Variants in CHST11 observed in about 807,000 individuals in gnomAD.
The protein encoded by CHST11 is carbohydrate sulfotransferase 11, also known as C4S-1.
CHST11 carries 9 observed loss-of-function variants against 30.4 expected under a neutral mutation model. The observed-to-expected ratio is 0.30, with a 90% CI of 0.18 to 0.52. The LOEUF (loss-of-function observed/expected upper bound fraction) is 0.52, where lower values mean the gene tolerates loss of function less well. Ranked by LOEUF, CHST11 falls within the 20% of genes least tolerant of loss-of-function variation. The pLI is 0.97. For synonymous variants in CHST11, 152 were observed against 187.8 expected (o/e 0.81, Z 1.56); for missense variants, 348 against 460.6 (o/e 0.76, Z 2.24).
chr12:104,489,654 T>G (rs1174463624), intron 1 of CHST11, among the ~76,000 whole-genome samples: 1 of 151,914 alleles, frequency 6.6e-6, no homozygotes, highest in Non-Finnish European at 1.5e-5. Flanking sequence ...AATTTTTGTA[T>G]TTTTGGTAGA....
intron 1 of CHST11, among the ~76,000 whole-genome samples, chr12:104,524,095 T>C (rs2038100818): frequency 6.6e-6 from 1 of 151,434 alleles, no homozygotes; most frequent in South Asian, 2.1e-4. Flanking sequence ...GCAGCAAGAC[T>C]TGTTTTCTGG....
intron 2 of CHST11, among the ~76,000 whole-genome samples, chr12:104,685,219 A>G (rs1289504019): frequency 6.6e-6 from 1 of 152,238 alleles, no homozygotes; most frequent in Non-Finnish European, 1.5e-5. Context: ...GCCTAAAAAA[A>G]TCTTAATATA....
intron 2 of CHST11, among the ~76,000 whole-genome samples, chr12:104,658,699 C>T (rs1418819439): frequency 1.3e-5 from 2 of 152,226 alleles, no homozygotes; most frequent in African/African-American, 2.4e-5. Flanking sequence ...CAGACTCTCT[C>T]ATCCAATAAC....
intron 2 of CHST11, among the ~76,000 whole-genome samples, chr12:104,718,596 A>T (rs1352548089): frequency 1.3e-5 from 2 of 152,208 alleles, no homozygotes; most frequent in Non-Finnish European, 2.9e-5. Context: ...TGCCACCTGC[A>T]GTCCCTTTGA....
rs1017187643 is a variant in CHST11 at position 104,696,373 on chromosome 12, A to G, written c.205-60576A>G. Reference sequence around the variant, plus strand: ...CCATCAGGGTCAGGCACGGTGGCTCACGCCTGTAATCGCAGCACTTTGGGA... The same window carrying G: ...CCATCAGGGTCAGGCACGGTGGCTCGCGCCTGTAATCGCAGCACTTTGGGA... On this transcript the variant is annotated intron_variant, in intron 2 of 2. Coordinates refer to ENST00000303694, the MANE Select transcript of CHST11 (RefSeq NM_018413.6). 2.0e-5 allele frequency among the ~76,000 whole-genome samples: 3 copies of G among 150,558 alleles called. No homozygotes were observed. The South Asian group carries it at 6.4e-4, about 32-fold the overall frequency.
intron 2 of CHST11, among the ~76,000 whole-genome samples, chr12:104,608,044 G>C (rs10746004): frequency 0.78 from 117,771 of 151,934 alleles, 46,125 homozygotes; most frequent in Non-Finnish European, 0.83. Context: ...GAAATGACCA[G>C]TGCGCAGGCC....
At chr12:104,529,575 CCACAATGAT>C (rs1199484355) in intron 1 of CHST11, among the ~76,000 whole-genome samples, 1 of 152,204 alleles carries the variant, frequency 6.6e-6, no homozygotes, top group African/African-American at 2.4e-5. Context: ...TCTGCAGGTT[CCACAATGAT>C]CAGAGACCCA....
intron 1 of CHST11, among the ~76,000 whole-genome samples, chr12:104,597,675 C>T (rs557271431): frequency 5.9e-5 from 9 of 152,288 alleles, no homozygotes; most frequent in East Asian, 1.9e-4. Flanking sequence ...CAGTGCCTGG[C>T]GAGTTGCCCT....
At chr12:104,551,111 G>T (rs937282468) in intron 1 of CHST11, among the ~76,000 whole-genome samples, 8 of 152,194 alleles carry the variant, frequency 5.3e-5, no homozygotes, top group African/African-American at 1.9e-4. Flanking sequence ...TTGAAGTGTG[G>T]GTTGGGATTC....
At chr12:104,459,620 T>C (rs1248941815) in intron 1 of CHST11, among the ~76,000 whole-genome samples, 1 of 152,252 alleles carries the variant, frequency 6.6e-6, no homozygotes, top group East Asian at 1.9e-4. Context: ...CTTGTAATTG[T>C]CACTTTGTGA....
At chr12:104,582,221 G>A (rs907906287) in intron 1 of CHST11, among the ~76,000 whole-genome samples, 1 of 152,070 alleles carries the variant, frequency 6.6e-6, no homozygotes, top group Non-Finnish European at 1.5e-5. Context: ...CCATCTTATT[G>A]GTGAGCAAAC....
At chr12:104,622,922 A>G (rs754394722) in intron 2 of CHST11, among the ~76,000 whole-genome samples, 70 of 152,242 alleles carry the variant, frequency 4.6e-4, no homozygotes, top group Non-Finnish European at 9.4e-4. Flanking sequence ...TTGTCCATGC[A>G]TTAAGAGCCA....
intron 1 of CHST11, among the ~76,000 whole-genome samples, chr12:104,532,355 T>C (rs1426484558): frequency 7.4e-6 from 1 of 134,336 alleles, no homozygotes; most frequent in South Asian, 2.4e-4. Flanking sequence ...CCAAAGACGG[T>C]GTATTGGTTC....
intron 1 of CHST11, among the ~76,000 whole-genome samples, chr12:104,493,457 G>A (rs2037769637): frequency 6.6e-6 from 1 of 152,232 alleles, no homozygotes; most frequent in Non-Finnish European, 1.5e-5. Flanking sequence ...GGTGCCAGGT[G>A]CTGAGGGTTC....
At chr12:104,631,103 C>T (rs1324289427) in intron 2 of CHST11, among the ~76,000 whole-genome samples, 6 of 152,146 alleles carry the variant, frequency 3.9e-5, no homozygotes, top group African/African-American at 1.4e-4. Context: ...TTTGTTGCTC[C>T]GTCTGGGATG....
At position 104,761,760 on chromosome 12, in the gene CHST11, T is replaced by A. The variant is rs1371061360; in HGVS notation, c.*3957T>A. 3 of 152,256 alleles carry A rather than the reference T, an allele frequency of 2.0e-5. No homozygotes were observed. Among genetic ancestry groups the A allele is most frequent in the Non-Finnish European group, 2.9e-5 (2 of 68,050 alleles). The allele number at this position is 152,256 out of a possible 1,614,324, so 9.4% of individuals were successfully genotyped here. A position where few individuals can be genotyped will look rare whatever the true frequency, so the allele number is the denominator to read the frequency against. On this transcript the variant is annotated 3_prime_UTR_variant, in exon 3 of 3. Coordinates refer to ENST00000303694, the MANE Select transcript of CHST11 (RefSeq NM_018413.6). ...AGGAGCTGCCCATACTACTTTCTTA[T>A]GAGCATGCTCAGTATGGCATATGGA...
intron 1 of CHST11, among the ~76,000 whole-genome samples, chr12:104,507,135 G>T (rs2037915346): frequency 6.6e-6 from 1 of 152,212 alleles, no homozygotes; most frequent in Admixed American, 6.5e-5. Context: ...GCAGGGACAG[G>T]TGGGGTAAGC....
intron 1 of CHST11, among the ~76,000 whole-genome samples, chr12:104,592,004 C>T (rs1319722095): frequency 6.6e-6 from 1 of 151,576 alleles, no homozygotes; most frequent in Non-Finnish European, 1.5e-5. Flanking sequence ...GGACAGATCA[C>T]CTTCTATCCT....
intron 1 of CHST11, among the ~76,000 whole-genome samples, chr12:104,547,385 G>A (rs766783876): frequency 6.6e-5 from 10 of 152,202 alleles, no homozygotes; most frequent in Non-Finnish European, 1.2e-4. Context: ...TTTCCGTTCA[G>A]GTTGTGTCGT....
Sources: gnomAD v4.1 joint callset for allele counts (sites outside exome capture counted in the v4.1 genomes callset) on GRCh38, gnomAD v4.1.1 for gene constraint, MANE v1.5 for transcripts, NCBI Gene and HGNC (gene_info 2026-07-23, HGNC 2026-07-21) for gene names.